USP24: variants seen among roughly 807,000 people sequenced by gnomAD.
USP24 encodes ubiquitin carboxyl-terminal hydrolase 24.
A neutral mutation model predicts 361.6 loss-of-function variants in USP24; 97 were observed. The observed-to-expected ratio is 0.27, with a 90% CI of 0.23 to 0.32. USP24 has a LOEUF of 0.32. Ranked by LOEUF, USP24 falls within the 10% of genes least tolerant of loss-of-function variation. The pLI is 1.00. For synonymous variants in USP24, 1,098 were observed against 1,124.6 expected (o/e 0.98, Z 0.47); for missense variants, 2,353 against 3,165.6 (o/e 0.74, Z 6.16).
chr1:55,107,865 A>AAAAAC (rs1379674224), intron 39 of USP24, among the ~76,000 whole-genome samples: 33 of 147,116 alleles, frequency 2.2e-4, no homozygotes, highest in African/African-American at 5.2e-4. Context: ...AAAAAAAAAA[A>AAAAAC]ACACACAAAA....
chr1:55,106,573 T>C (rs1326801005), intron 40 of USP24, among the ~76,000 whole-genome samples: 2 of 152,214 alleles, frequency 1.3e-5, no homozygotes, highest in African/African-American at 2.4e-5. Context: ...GCAGAATGGT[T>C]TGAGTGAACA....
At chr1:55,117,872 A>C (rs1646167440) in intron 38 of USP24, among the ~76,000 whole-genome samples, 1 of 152,148 alleles carries the variant, frequency 6.6e-6, no homozygotes, top group South Asian at 2.1e-4. Context: ...CTGAAAAAGA[A>C]ATCAACAATT....
At chr1:55,201,844 C>T (rs1457955051) in intron 1 of USP24, among the ~76,000 whole-genome samples, 3 of 152,086 alleles carry the variant, frequency 2.0e-5, no homozygotes, top group Admixed American at 6.6e-5. Flanking sequence ...TGTTAGCATT[C>T]GGAGTCTCTT....
intron 1 of USP24, among the ~76,000 whole-genome samples, chr1:55,214,484 C>G (rs1569860211): frequency 6.6e-6 from 1 of 152,058 alleles, no homozygotes. Context: ...GAGCCTCCTC[C>G]CCATCGTCGG....
intron 38 of USP24, among the ~76,000 whole-genome samples, chr1:55,116,913 T>C (rs1646131851): frequency 6.6e-6 from 1 of 152,058 alleles, no homozygotes; most frequent in Admixed American, 6.6e-5. Context: ...CAGACCAATA[T>C]CCCTTATGAA....
At chr1:55,143,896 G>T (rs1352634022) in intron 21 of USP24, among the ~76,000 whole-genome samples, 3 of 152,150 alleles carry the variant, frequency 2.0e-5, no homozygotes, top group African/African-American at 7.2e-5. Flanking sequence ...AGAGAGATGT[G>T]AGAGAGAGCA....
intron 8 of USP24, among the ~76,000 whole-genome samples, chr1:55,160,381 G>C (rs1403644213): frequency 5.3e-5 from 8 of 152,216 alleles, no homozygotes; most frequent in Non-Finnish European, 1.2e-4. Flanking sequence ...ATAGGAAGGA[G>C]AGCGAGCTGT....
chr1:55,098,115 C>A, intron 46 of USP24, 31 bp from the exon 47 acceptor site: 1 of 1,556,348 alleles, frequency 6.4e-7, no homozygotes. Context: ...AACCCACAAT[C>A]AACAATGGAA....
chr1:55,136,833 C>T (rs1057398067), intron 28 of USP24, among the ~76,000 whole-genome samples: 1 of 151,856 alleles, frequency 6.6e-6, no homozygotes, highest in Non-Finnish European at 1.5e-5. Flanking sequence ...GATTGGGGTG[C>T]CTAGTAGACA....
chr1:55,096,354 G>A (rs1645495575), intron 50 of USP24, 144 bp downstream of exon 50: 1 of 696,612 alleles, frequency 1.4e-6, no homozygotes, highest in Non-Finnish European at 2.0e-6. Flanking sequence ...TTATTAAAGA[G>A]CTTGCTCATG....
chr1:55,194,619 G>C (rs287230), intron 1 of USP24, among the ~76,000 whole-genome samples: 19,346 of 151,814 alleles, frequency 0.13, 1,461 homozygotes, highest in Middle Eastern at 0.23. Flanking sequence ...AAAGAAAAAA[G>C]AAATAGTAGC....
chr1:55,129,219 T>C (rs1056415409), intron 32 of USP24, among the ~76,000 whole-genome samples: 1 of 152,180 alleles, frequency 6.6e-6, no homozygotes, highest in Non-Finnish European at 1.5e-5. Flanking sequence ...TACAGCCTCC[T>C]GGCTTCTACT....
chr1:55,214,201 C>T (rs970303117), intron 1 of USP24, among the ~76,000 whole-genome samples: 2 of 151,566 alleles, frequency 1.3e-5, no homozygotes, highest in African/African-American at 2.4e-5. Context: ...CTACTCAATG[C>T]CCCCCCTTTC....
chr1:55,104,132 T>C (rs1645712433), intron 41 of USP24, 112 bp from the exon 42 acceptor site: 5 of 1,358,084 alleles, frequency 3.7e-6, no homozygotes, highest in African/African-American at 2.9e-5. Context: ...TCCTCAAACA[T>C]ACTTAAGTCA....
chr1:55,169,845 TA>T (rs1570599810), intron 5 of USP24, among the ~76,000 whole-genome samples: 1 of 152,078 alleles, frequency 6.6e-6, no homozygotes, highest in Non-Finnish European at 1.5e-5. Context: ...CTTTACCGGG[TA>T]AAAAATGATA....
At chr1:55,205,347 G>C (rs925067363) in intron 1 of USP24, among the ~76,000 whole-genome samples, 15 of 152,140 alleles carry the variant, frequency 9.9e-5, no homozygotes, top group African/African-American at 3.6e-4. Flanking sequence ...GCAGGACAAG[G>C]GGAGCATGCA....
chr1:55,213,025 C>A (rs1644886384), intron 1 of USP24, among the ~76,000 whole-genome samples: 1 of 152,050 alleles, frequency 6.6e-6, no homozygotes, highest in Non-Finnish European at 1.5e-5. Flanking sequence ...AATTGATTTT[C>A]CAATCACAGG....
At chr1:55,194,806 C>T (rs1055004733) in intron 1 of USP24, among the ~76,000 whole-genome samples, 29 of 152,230 alleles carry the variant, frequency 1.9e-4, no homozygotes, top group Middle Eastern at 3.4e-3. Context: ...GGAACTGTGT[C>T]CTCGTCCCAG....
chr1:55,172,564 G>A, intron 3 of USP24, 44 bp from the exon 4 acceptor site: 1 of 1,554,986 alleles, frequency 6.4e-7, no homozygotes. Flanking sequence ...CTTGAAAAAA[G>A]AAAATAAATC....
Sources: allele counts gnomAD v4.1 joint callset (sites outside exome capture counted in the v4.1 genomes callset), GRCh38; gene constraint gnomAD v4.1.1; transcripts MANE v1.5; gene names NCBI Gene and HGNC (gene_info 2026-07-23, HGNC 2026-07-21).